The following FAAH variants were observed in gnomAD, a reference collection of about 807,000 sequenced individuals.
FAAH encodes fatty-acid amide hydrolase 1.
In FAAH, 63 loss-of-function variants were observed where a neutral mutation model predicts 69.7. The observed-to-expected ratio is 0.90, with a 90% CI of 0.74 to 1.12. The LOEUF is 1.12. FAAH is among the 50% of genes most tolerant of loss of function. FAAH has a pLI of 0.00. For synonymous variants in FAAH, 305 were observed against 324.2 expected (o/e 0.94, Z 0.64); for missense variants, 680 against 755.0 (o/e 0.90, Z 1.16).
Position 46,413,779 on chromosome 1 carries a change from C to T in FAAH, c.*204C>T, listed in dbSNP as rs201716649. On this transcript the variant is annotated 3_prime_UTR_variant, in exon 15 of 15. Coordinates refer to ENST00000243167, the MANE Select transcript of FAAH (RefSeq NM_001441.3). ...CTGGTCCCCTCTCTTCGTCCTGATC[C>T]CTCCACCCCCATGTGGCAGCCCATG... 56 of 669,954 alleles carry T rather than the reference C, an allele frequency of 8.4e-5. No individual in the cohort carries two copies. The highest frequency in any genetic ancestry group is 1.8e-4 in the African/African-American group (10 of 55,644). 41.5% of individuals were successfully genotyped at this position (669,954 alleles called of 1,614,324 possible).
At position 46,413,476 on chromosome 1, in the gene FAAH, G is replaced by T; in HGVS notation, c.1641G>T (p.Val547=). 3 of 1,614,062 alleles carry T rather than the reference G, an allele frequency of 1.9e-6. No homozygotes were observed. The highest frequency in any genetic ancestry group is 2.5e-6 in the Non-Finnish European group (3 of 1,179,994). Residue 547 remains valine, a synonymous_variant, in exon 15 of 15, where the codon GTG becomes GTT. Transcript: ENST00000243167. ...KGMKKSVGLP[V]AVQCVALPWQ... is the part of the protein sequence containing the mutation. ...TGAAGAAGAGTGTGGGGCTGCCGGT[G>T]GCCGTGCAGTGTGTGGCTCTGCCCT...
chr1:46,408,358 C>T (rs757264449), intron 7 of FAAH, 101 bp from the exon 8 acceptor site: 90 of 1,540,698 alleles, frequency 5.8e-5, no homozygotes, highest in African/African-American at 9.5e-5. Flanking sequence ...ACTGCAGCCT[C>T]GCAGCTGTGT....
At chr1:46,408,648 C>G in intron 8 of FAAH, 64 bp downstream of exon 8, 1 of 1,610,532 alleles carries the variant, frequency 6.2e-7, no homozygotes, top group Non-Finnish European at 8.5e-7. Context: ...TTCCTGGTAC[C>G]CATGGCTACT....
chr1:46,409,121 C>A lies in FAAH; in HGVS notation c.1098C>A (p.Ser366Arg). The A allele has an allele frequency of 6.2e-7, 1 of 1,614,058 alleles. No homozygotes were observed. Among genetic ancestry groups the A allele is most frequent in the Non-Finnish European group, 8.5e-7 (1 of 1,179,980 alleles). The change falls in exon 9 of 15, where the codon AGC (serine) becomes AGA (arginine). Residue 366 changes from serine to arginine, a missense_variant. Transcript: ENST00000243167. ...TGCAGCTGGTTCCCTTCTTGCCAAG[C>A]AACATACCCCATGCTCTGGAGACCC... is the stretch of plus-strand genomic sequence containing the variant. ...AGHTLVPFLP[S>R]NIPHALETLS... is the part of the protein sequence containing the mutation.
chr1:46,401,898 A>G (rs1455822415), intron 1 of FAAH, among the ~76,000 whole-genome samples, 193 bp from the exon 2 acceptor site: 1 of 151,978 alleles, frequency 6.6e-6, no homozygotes, highest in African/African-American at 2.4e-5. Context: ...AAAAAAACCT[A>G]CTTGGGCAGG....
intron 2 of FAAH, 42 bp downstream of exon 2, chr1:46,402,246 G>A: frequency 7.0e-7 from 1 of 1,434,296 alleles, no homozygotes; most frequent in Non-Finnish European, 9.6e-7. Context: ...GAAAGGTAAG[G>A]CCAGCCAAGG....
At position 46,394,500 on chromosome 1, in the gene FAAH, G is replaced by A; in HGVS notation, c.152G>A (p.Gly51Asp). 2.1e-6 allele frequency: 3 copies of A among 1,397,310 alleles called. No homozygotes were observed. The South Asian group carries it at 4.8e-5, about 22-fold the overall frequency. 86.6% of individuals were successfully genotyped at this position (1,397,310 alleles called of 1,614,324 possible). A position where few individuals can be genotyped will look rare whatever the true frequency, so the allele number is the denominator to read the frequency against. Reference sequence around the variant, plus strand: ...CGGGCGCGACAGAGGCAGCGAGCGGGCCTGGAGAACATGGACAGGGCGGCG... The same window carrying A: ...CGGGCGCGACAGAGGCAGCGAGCGGACCTGGAGAACATGGACAGGGCGGCG... ...VVRARQRQRAGLENMDRAAQR... is the reference protein window; with the variant it reads ...VVRARQRQRADLENMDRAAQR... Residue 51 changes from glycine (G) to aspartate (D), a missense_variant, in exon 1 of 15, where the codon GGC becomes GAC. Physicochemically the swap from Gly to Asp is moderately conservative, Grantham distance 94 (BLOSUM62 -1). Transcript: ENST00000243167.
chr1:46,399,363 G>C (rs1402564973), intron 1 of FAAH, among the ~76,000 whole-genome samples: 1 of 152,224 alleles, frequency 6.6e-6, no homozygotes, highest in Non-Finnish European at 1.5e-5. Flanking sequence ...TTCACTGATT[G>C]GTCTTCTGGA....
In FAAH at chr1:46,405,227, G is replaced by T; in HGVS notation, c.444+79G>T. The T allele has an allele frequency of 6.2e-7, 1 of 1,612,198 alleles. No individual in the cohort carries two copies. Among genetic ancestry groups the T allele is most frequent in the South Asian group, 1.1e-5 (1 of 90,920 alleles). ...TGCTCTGCATCTTGGGTCATTTTGGGCCCTTAGAGGAGGTATCAGGTCCAG... is the reference window on the plus strand; with the variant it reads ...TGCTCTGCATCTTGGGTCATTTTGGTCCCTTAGAGGAGGTATCAGGTCCAG... On this transcript the variant is annotated intron_variant, in intron 3 of 14. Transcript: ENST00000243167. This position sits in a 1 kb window ranked among gnomAD's most constrained non-coding sequence, Gnocchi z 4.1.
chr1:46,402,087 A>G lies in FAAH; in HGVS notation c.196-4A>G, dbSNP rs1664713077. The stretch of plus-strand genomic sequence containing the variant: ...GGGGACTGATCCGAGTTTGTTCCCC[A>G]CAGAACCCAGACCTGGACTCAGAGG... On this transcript the variant is annotated splice_polypyrimidine_tract_variant and splice_region_variant and intron_variant, in intron 1 of 14. Coordinates refer to ENST00000243167, the MANE Select transcript of FAAH (RefSeq NM_001441.3). 1 of 1,602,180 alleles carries G rather than the reference A, an allele frequency of 6.2e-7. No individual in the cohort carries two copies.
intron 1 of FAAH, among the ~76,000 whole-genome samples, chr1:46,398,290 C>T (rs570369422): frequency 1.6e-4 from 25 of 152,122 alleles, no homozygotes; most frequent in Non-Finnish European, 2.5e-4. Context: ...CTCTTTCCCC[C>T]GCCTCTCCTC....
Position 46,408,543 on chromosome 1 carries a change from G to T in FAAH, c.1036G>T (p.Val346Leu). 1 of 1,614,172 alleles carries T rather than the reference G, an allele frequency of 6.2e-7. No individual in the cohort carries two copies. Among genetic ancestry groups the T allele is most frequent in the Non-Finnish European group, 8.5e-7 (1 of 1,180,028 alleles). Residue 346 changes from valine to leucine, a missense_variant, in exon 8 of 15, where the codon GTG (valine) becomes TTG (leucine). Coordinates refer to ENST00000243167, the MANE Select transcript of FAAH (RefSeq NM_001441.3). ...GCCCTCCCCGGCCATGAGGCGGGCC[G>T]TGCTGGAGACCAAACAGAGCCTTGA... The part of the protein sequence containing the change: ...TMPSPAMRRA[V>L]LETKQSLEAA...
Position 46,402,157 on chromosome 1 carries a change from A to G in FAAH, c.262A>G (p.Ser88Gly), listed in dbSNP as rs1404332044. The change falls in exon 2 of 15, where the codon AGT (serine) becomes GGT (glycine). Residue 88 changes from serine (S) to glycine (G), a missense_variant. Ser to Gly is a moderately conservative substitution (Grantham distance 56). Transcript: ENST00000243167. ...PLPQLVQKLH[S>G]RELAPEAVLF... is the part of the protein sequence containing the mutation. ...GCCTCAGCTGGTGCAGAAGTTACACAGTAGAGAGCTGGCCCCTGAGGCCGT... is the reference window on the plus strand; with the variant it reads ...GCCTCAGCTGGTGCAGAAGTTACACGGTAGAGAGCTGGCCCCTGAGGCCGT... 2.5e-6 allele frequency: 4 copies of G among 1,609,834 alleles called. No individual in the cohort carries two copies. The highest frequency in any genetic ancestry group is 1.7e-6 in the Non-Finnish European group (2 of 1,178,142).
At position 46,394,431 on chromosome 1, in the gene FAAH, C is replaced by G. The variant is rs1465806020; in HGVS notation, c.83C>G (p.Ala28Gly). 1 of 1,442,142 alleles carries G rather than the reference C, an allele frequency of 6.9e-7. No individual in the cohort carries two copies. Among genetic ancestry groups the G allele is most frequent in the Middle Eastern group, 2.5e-4 (1 of 4,050 alleles). 89.3% of individuals were successfully genotyped at this position (1,442,142 alleles called of 1,614,324 possible). ...TGCTGCTTCGTGGCGGCGGCCGTGGCCCTGCGCTGGTCCGGGCGCCGGACG... is the reference window on the plus strand; with the variant it reads ...TGCTGCTTCGTGGCGGCGGCCGTGGGCCTGCGCTGGTCCGGGCGCCGGACG... Reference protein sequence around the residue: ...LACCFVAAAVALRWSGRRTAR... With the variant: ...LACCFVAAAVGLRWSGRRTAR... The change falls in exon 1 of 15, where the codon GCC (alanine) becomes GGC (glycine). Residue 28 changes from alanine to glycine, a missense_variant. By Grantham distance (60) the Ala-to-Gly change is moderately conservative. Coordinates refer to ENST00000243167, the MANE Select transcript of FAAH (RefSeq NM_001441.3).
intron 1 of FAAH, among the ~76,000 whole-genome samples, chr1:46,398,352 G>A (rs578067530): frequency 6.6e-6 from 1 of 152,268 alleles, no homozygotes; most frequent in South Asian, 2.1e-4. Flanking sequence ...TGGAGTCCTT[G>A]AATGATGGGC....
chr1:46,408,496 A>G lies in FAAH; in HGVS notation c.989A>G (p.Tyr330Cys). The change falls in exon 8 of 15, where the codon TAT becomes TGT. Residue 330 changes from tyrosine (Y) to cysteine (C), a missense_variant. Physicochemically the swap from Tyr to Cys is radical, Grantham distance 194 (BLOSUM62 -2). Coordinates refer to ENST00000243167, the MANE Select transcript of FAAH (RefSeq NM_001441.3). ...TCTCAGCCCCTGCGTGTGGGGTACT[A>G]TGAGACTGACAACTATACCATGCCC... ...TSSQPLRVGY[Y>C]ETDNYTMPSP... 1.2e-6 allele frequency: 2 copies of G among 1,614,080 alleles called. No individual in the cohort carries two copies. The highest frequency in any genetic ancestry group is 1.1e-5 in the South Asian group (1 of 91,080).
At chr1:46,408,636 C>A in intron 8 of FAAH, 52 bp downstream of exon 8, 3 of 1,612,924 alleles carry the variant, frequency 1.9e-6, no homozygotes, top group Admixed American at 1.7e-5. Context: ...TCACGGGAAG[C>A]CTTCCTGGTA....
rs199711276 is a variant in FAAH at position 46,413,689 on chromosome 1, G to T, written c.*114G>T. 5 of 1,492,276 alleles carry T rather than the reference G, an allele frequency of 3.4e-6. No homozygotes were observed. Among genetic ancestry groups the T allele is most frequent in the Non-Finnish European group, 3.7e-6 (4 of 1,086,806 alleles). 92.4% of individuals were successfully genotyped at this position (1,492,276 alleles called of 1,614,324 possible). ...TGTCCTGCATGGGGCAGAGGCTTCC[G>T]TGTCCTCTCCCCCAACCCCCTGCAA... On this transcript the variant is annotated 3_prime_UTR_variant, in exon 15 of 15. Transcript: ENST00000243167.
Position 46,400,588 on chromosome 1 carries a change from G to T in FAAH, c.196-1503G>T, listed in dbSNP as rs114953854. Among the ~76,000 whole-genome samples, 984 of 151,460 alleles carry T rather than the reference G, an allele frequency of 6.5e-3. 12 individuals are homozygous for T. Among genetic ancestry groups the T allele is most frequent in the Middle Eastern group, 0.041 (12 of 294 alleles). On this transcript the variant is annotated intron_variant, in intron 1 of 14. Transcript: ENST00000243167. ...TTCCTGAACACCTGGATGGATGGCGGGGCCTCCCCTGAGTACAGGGTACAG... is the reference window on the plus strand; with the variant it reads ...TTCCTGAACACCTGGATGGATGGCGTGGCCTCCCCTGAGTACAGGGTACAG...
Sources: allele counts gnomAD v4.1 joint callset (sites outside exome capture counted in the v4.1 genomes callset), GRCh38; gene constraint gnomAD v4.1.1; non-coding constraint Gnocchi (gnomAD v3.1); transcripts MANE v1.5; gene names NCBI Gene and HGNC (gene_info 2026-07-23, HGNC 2026-07-21).